The following SLC35D1 variants were observed in gnomAD, a reference collection of about 807,000 sequenced individuals.
SLC35D1 encodes the protein nucleotide sugar transporter SLC35D1.
Under a neutral mutation model 46.7 loss-of-function variants are expected in SLC35D1, and 31 were observed. The observed-to-expected ratio is 0.66, with a 90% confidence interval of 0.50 to 0.90. The LOEUF is 0.90. Among genes scored for constraint, SLC35D1 ranks in the 40% least tolerant of loss-of-function variants. SLC35D1 has a pLI of 0.00. For synonymous variants in SLC35D1, 195 were observed against 164.6 expected (o/e 1.18, Z -1.41); for missense variants, 397 against 426.2 (o/e 0.93, Z 0.60).
downstream of SLC35D1, among the ~76,000 whole-genome samples, chr1:66,996,492 C>T (rs1459146778): frequency 1.3e-5 from 2 of 152,142 alleles, no homozygotes; most frequent in Non-Finnish European, 2.9e-5. Flanking sequence ...GGTTTGAATG[C>T]GGGTTCCCTG....
intron 8 of SLC35D1, chr1:67,032,158 T>G: frequency 1.1e-6 from 1 of 914,632 alleles, no homozygotes; most frequent in South Asian, 5.0e-5. Flanking sequence ...CCTTCTGTTT[T>G]GAATAAAGTC....
At chr1:67,014,670 G>GTTTTTTTTTTTTTTTTTTTTATTT in intron 10 of SLC35D1, among the ~76,000 whole-genome samples, 1 of 99,988 alleles carries the variant, frequency 1.0e-5, no homozygotes. Flanking sequence ...TCAATTTTTA[G>GTTTTTTTTTTTTTTTTTTTTATTT]TTTTTTTTTT....
At chr1:67,021,718 GACACAGACACACACAC>G (rs1667808179) in intron 8 of SLC35D1, 116 bp from the exon 9 acceptor site, 3 of 450,034 alleles carry the variant, frequency 6.7e-6, no homozygotes, top group Middle Eastern at 5.1e-4. Context: ...CACAGACACA[GACACAGACACACACAC>G]ACACACACAC....
intron 8 of SLC35D1, among the ~76,000 whole-genome samples, chr1:67,025,891 G>A (rs1472844513): frequency 6.6e-6 from 1 of 152,016 alleles, no homozygotes; most frequent in Non-Finnish European, 1.5e-5. Context: ...TTTGCATATT[G>A]ACCTTGTACT....
chr1:67,023,486 ATT>A (rs35716426), intron 8 of SLC35D1, among the ~76,000 whole-genome samples: 85,147 of 131,840 alleles, frequency 0.65, 25,944 homozygotes, highest in South Asian at 0.76. Context: ...ATCTTTTGCC[ATT>A]TTTTTTTTTT....
rs764306901 is a variant in SLC35D1, at chr1:67,052,084, A to G, written c.325-5T>C. On this transcript the variant is annotated splice_polypyrimidine_tract_variant and splice_region_variant and intron_variant, in intron 3 of 11. Coordinates refer to ENST00000235345, the MANE Select transcript of SLC35D1 (RefSeq NM_015139.3). Reference sequence around the variant, plus strand: ...TAGTAGAGGTAGTGGAAACGTCTAGAAAATTTAAAAAGGGATAACAAAACT... The same window carrying G: ...TAGTAGAGGTAGTGGAAACGTCTAGGAAATTTAAAAAGGGATAACAAAACT... The G allele has an allele frequency of 3.9e-5, 62 of 1,587,502 alleles. No individual in the cohort carries two copies. The highest frequency in any genetic ancestry group is 5.4e-5 in the Non-Finnish European group (62 of 1,155,998).
rs541696330 is a variant in SLC35D1, at chr1:67,041,717, A to G, written c.729+519T>C. ...AGCTAGACATTTGCAGAAAATTGGT[A>G]AACTACTATATTAGTTGTTCTTTAT... On this transcript the variant is annotated intron_variant, in intron 8 of 11. Coordinates refer to ENST00000235345, the MANE Select transcript of SLC35D1 (RefSeq NM_015139.3). Among the ~76,000 whole-genome samples the G allele has an allele frequency of 2.6e-5, 4 of 152,356 alleles. No homozygotes were observed. In the South Asian group the frequency reaches 8.3e-4, roughly 32 times the overall value.
At chr1:66,993,170 G>A in the SLC35D1 span, among the ~76,000 whole-genome samples, 1 of 152,180 alleles carries the variant, frequency 6.6e-6, no homozygotes, top group Non-Finnish European at 1.5e-5. Flanking sequence ...GAAAAAAGAC[G>A]TTAGTAGGCT....
the SLC35D1 span, among the ~76,000 whole-genome samples, chr1:66,979,638 T>C: frequency 0.22 from 33,161 of 152,170 alleles, 3,964 homozygotes; most frequent in Non-Finnish European, 0.26. Flanking sequence ...CTTTCCTGAA[T>C]ATTCTGGATG....
At chr1:66,987,947 AT>A in the SLC35D1 span, 1 of 152,246 alleles carries the variant, frequency 6.6e-6, no homozygotes, top group Non-Finnish European at 1.5e-5. Flanking sequence ...GGATTATATA[AT>A]TTAAAAATAA....
the SLC35D1 span, among the ~76,000 whole-genome samples, chr1:66,984,301 TCTTTA>T: frequency 2.0e-5 from 3 of 152,368 alleles, no homozygotes; most frequent in Non-Finnish European, 4.4e-5. Flanking sequence ...TGTTCTTAGT[TCTTTA>T]CATTTATTAA....
intron 10 of SLC35D1, among the ~76,000 whole-genome samples, chr1:67,018,508 T>A (rs747377109): frequency 6.6e-6 from 1 of 151,670 alleles, no homozygotes; most frequent in Non-Finnish European, 1.5e-5. Flanking sequence ...CACAGAAGAG[T>A]CATGATAGCT....
chr1:66,993,651 AC>A, the SLC35D1 span, among the ~76,000 whole-genome samples: 1 of 152,192 alleles, frequency 6.6e-6, no homozygotes, highest in East Asian at 1.9e-4. Context: ...CTAAGCAAAG[AC>A]TGTCTCACAA....
At chr1:66,980,270 C>T in the SLC35D1 span, among the ~76,000 whole-genome samples, 3 of 152,118 alleles carry the variant, frequency 2.0e-5, no homozygotes, top group Non-Finnish European at 4.4e-5. Flanking sequence ...GTCTTCAAGA[C>T]CATCTAATTT....
chr1:67,027,587 C>T (rs2102300977), intron 8 of SLC35D1, among the ~76,000 whole-genome samples: 1 of 152,210 alleles, frequency 6.6e-6, no homozygotes, highest in East Asian at 1.9e-4. Context: ...TTTCTTAAGA[C>T]AGAGGCTTAG....
chr1:66,991,976 T>TGG, the SLC35D1 span, among the ~76,000 whole-genome samples: 2 of 152,270 alleles, frequency 1.3e-5, no homozygotes, highest in South Asian at 4.1e-4. Flanking sequence ...AGATTATAAA[T>TGG]GGGATACCTT....
chr1:67,027,466 G>A (rs547498020), intron 8 of SLC35D1, among the ~76,000 whole-genome samples: 5 of 151,774 alleles, frequency 3.3e-5, no homozygotes, highest in Admixed American at 2.0e-4. Flanking sequence ...TAAAAGACAG[G>A]TCTCACTATA....
At position 67,001,341 on chromosome 1, in the gene SLC35D1, G is replaced by C. The variant is rs1001926616; in HGVS notation, c.*2999C>G. On this transcript the variant is annotated 3_prime_UTR_variant, in exon 12 of 12. Transcript: ENST00000235345. ...TAAAAAAAAAAACTAGGTGCAAACT[G>C]GAGCCTACAAATGATTGACTCATAA... 1 of 152,270 alleles carries C rather than the reference G, an allele frequency of 6.6e-6. No homozygotes were observed. Among genetic ancestry groups the C allele is most frequent in the Non-Finnish European group, 1.5e-5 (1 of 68,036 alleles). The allele number at this position is 152,270 out of a possible 1,614,324, so 9.4% of individuals were successfully genotyped here. A position where few individuals can be genotyped will look rare whatever the true frequency, so the allele number is the denominator to read the frequency against.
chr1:66,990,238 T>TA, the SLC35D1 span, among the ~76,000 whole-genome samples: 1 of 152,178 alleles, frequency 6.6e-6, no homozygotes, highest in Non-Finnish European at 1.5e-5. Context: ...TGTTTGCATT[T>TA]AAAAAACACA....
Sources: allele counts gnomAD v4.1 joint callset (sites outside exome capture counted in the v4.1 genomes callset), GRCh38; gene constraint gnomAD v4.1.1; transcripts MANE v1.5; gene names NCBI Gene and HGNC (gene_info 2026-07-23, HGNC 2026-07-21).